ZNF138: variants seen among roughly 807,000 people sequenced by gnomAD.
ZNF138 encodes the protein zinc finger protein 138 (clone pHZ-32).
A neutral mutation model predicts 33.0 loss-of-function variants in ZNF138; 33 were observed. The observed-to-expected ratio is 1.00, with a 90% CI of 0.76 to 1.34. The LOEUF (loss-of-function observed/expected upper bound fraction) is 1.34. Ranked by LOEUF, ZNF138 falls within the 40% of genes most tolerant of loss-of-function variation. ZNF138 has a pLI of 0.00. For synonymous variants in ZNF138, 139 were observed against 120.4 expected (o/e 1.15, Z -1.01); for missense variants, 360 against 370.8 (o/e 0.97, Z 0.24).
At chr7:64,817,596 A>G (rs1788764803) in intron 3 of ZNF138, among the ~76,000 whole-genome samples, 1 of 152,160 alleles carries the variant, frequency 6.6e-6, no homozygotes, top group African/African-American at 2.4e-5. Flanking sequence ...TCCAATGTGA[A>G]TGTACCATGT....
At chr7:64,802,435 T>C (rs962340014) in intron 1 of ZNF138, among the ~76,000 whole-genome samples, 1 of 152,220 alleles carries the variant, frequency 6.6e-6, no homozygotes, top group African/African-American at 2.4e-5. Flanking sequence ...AAGGGGATTG[T>C]CTATAGAATG....
chr7:64,797,971 T>C (rs1162394441), intron 1 of ZNF138, among the ~76,000 whole-genome samples: 2 of 152,148 alleles, frequency 1.3e-5, no homozygotes, highest in African/African-American at 4.8e-5. Flanking sequence ...GACAGAGTCT[T>C]ACTTTGTTGC....
At chr7:64,801,256 G>T (rs62456799) in intron 1 of ZNF138, among the ~76,000 whole-genome samples, 7,164 of 152,072 alleles carry the variant, frequency 0.047, 214 homozygotes, top group East Asian at 0.14. Context: ...ATAATGTTAG[G>T]TTGTTAAATT....
the ZNF138 span, among the ~76,000 whole-genome samples, chr7:64,845,323 T>C: frequency 0.34 from 51,473 of 152,190 alleles, 9,393 homozygotes; most frequent in Non-Finnish European, 0.41. Flanking sequence ...TATTTGCTCG[T>C]TGATTGATGG....
rs200971341 is a variant in ZNF138 at position 64,832,119 on chromosome 7, A to G, written c.877A>G (p.Thr293Ala). 43 of 1,613,144 alleles carry G rather than the reference A, an allele frequency of 2.7e-5. No individual in the cohort carries two copies. The highest frequency in any genetic ancestry group is 4.4e-5 in the South Asian group (4 of 91,048). The change falls in exon 4 of 4, where the codon ACC becomes GCC. Residue 293 changes from threonine to alanine, a missense_variant. By Grantham distance (58) the Thr-to-Ala change is moderately conservative (BLOSUM62 0). Transcript: ENST00000307355. ...TGGCAAGGTCTTTAAGCAGTCCCCA[A>G]CCCTTACTAAACATCAGATAATTTA... ...QCGKVFKQSPTLTKHQIIYTG... is the reference protein window; with the variant it reads ...QCGKVFKQSPALTKHQIIYTG...
intron 1 of ZNF138, among the ~76,000 whole-genome samples, chr7:64,808,523 C>T (rs979974948): frequency 5.3e-5 from 8 of 152,072 alleles, no homozygotes; most frequent in African/African-American, 1.9e-4. Flanking sequence ...ATTTTTGTAA[C>T]TTACGAGGTC....
chr7:64,822,921 C>A (rs1455754457), intron 3 of ZNF138, among the ~76,000 whole-genome samples: 4 of 151,776 alleles, frequency 2.6e-5, no homozygotes, highest in Admixed American at 2.0e-4. Flanking sequence ...ACTCTTGTTG[C>A]CCAGGCTAGA....
At chr7:64,845,545 G>A in the ZNF138 span, among the ~76,000 whole-genome samples, 1 of 152,208 alleles carries the variant, frequency 6.6e-6, no homozygotes, top group South Asian at 2.1e-4. Context: ...CCCACCAGCA[G>A]TGTAGAAGTG....
In ZNF138 at chr7:64,800,093, A is replaced by G. The variant is rs370981966; in HGVS notation, c.3+5522A>G. ...CGTTTCTGTGGAGACAGAAAAGAGA[A>G]GAACTTTTCTGTGGGTTCTCTAGAT... On this transcript the variant is annotated intron_variant, in intron 1 of 3. Coordinates refer to ENST00000307355, the MANE Select transcript of ZNF138 (RefSeq NM_001271639.2). Among the ~76,000 whole-genome samples, 31 of 152,236 alleles carry G rather than the reference A, an allele frequency of 2.0e-4. 1 individual carries two copies. The highest frequency in any genetic ancestry group is 1.4e-3 in the Admixed American group (21 of 15,276).
intron 1 of ZNF138, among the ~76,000 whole-genome samples, chr7:64,809,785 G>A (rs1451024460): frequency 5.0e-5 from 7 of 138,706 alleles, no homozygotes; most frequent in African/African-American, 8.1e-5. Context: ...AGACGGGGTC[G>A]CGGCCGGGCA....
Position 64,832,554 on chromosome 7 carries a change from A to G in ZNF138, c.*352A>G. The G allele has an allele frequency of 3.3e-6, 2 of 603,730 alleles. No individual in the cohort carries two copies. Among genetic ancestry groups the G allele is most frequent in the Non-Finnish European group, 2.8e-6 (1 of 360,340 alleles). 37.4% of individuals were successfully genotyped at this position (603,730 alleles called of 1,614,324 possible). On this transcript the variant is annotated 3_prime_UTR_variant, in exon 4 of 4. Coordinates refer to ENST00000307355, the MANE Select transcript of ZNF138 (RefSeq NM_001271639.2). ...CTGGTCCTCAACTCTTATTACACAT[A>G]AGATAATTCACAGTGGAGAAAAACC...
the ZNF138 span, chr7:64,852,651 A>T: frequency 7.1e-7 from 1 of 1,410,126 alleles, no homozygotes; most frequent in Admixed American, 1.7e-5. Context: ...ACCTCCTCGT[A>T]GGCCAGCTCT....
the ZNF138 span, among the ~76,000 whole-genome samples, chr7:64,851,887 T>A: frequency 6.6e-6 from 1 of 152,218 alleles, no homozygotes; most frequent in Non-Finnish European, 1.5e-5. Flanking sequence ...GAGAGAAGAC[T>A]AGGCTTTTCA....
intron 3 of ZNF138, among the ~76,000 whole-genome samples, chr7:64,825,822 C>T (rs374596819): frequency 3.3e-4 from 50 of 151,912 alleles, no homozygotes; most frequent in Admixed American, 1.9e-3. Flanking sequence ...CAGGCATGAG[C>T]CCCCGCGCCT....
intron 3 of ZNF138, among the ~76,000 whole-genome samples, chr7:64,816,286 T>C (rs1788629889): frequency 1.3e-5 from 2 of 152,108 alleles, no homozygotes; most frequent in Non-Finnish European, 2.9e-5. Flanking sequence ...TGTAGATCAC[T>C]TTGGATAACA....
the ZNF138 span, among the ~76,000 whole-genome samples, chr7:64,838,947 G>A: frequency 1.4e-4 from 21 of 152,078 alleles, no homozygotes; most frequent in African/African-American, 4.1e-4. Context: ...AGGAGATGGC[G>A]GCGGAGAGAC....
At position 64,815,681 on chromosome 7, in the gene ZNF138, A is replaced by G. The variant is rs1294406341; in HGVS notation, c.208+28A>G. 5 of 1,598,374 alleles carry G rather than the reference A, an allele frequency of 3.1e-6. No individual in the cohort carries two copies. In the African/African-American group the frequency reaches 5.4e-5, roughly 17 times the overall value. ...AGGTGAGAGTGAATACACAGATGGC[A>G]CAGATGAGAGGTCAAAGGCCAAGGA... On this transcript the variant is annotated intron_variant, in intron 3 of 3. Transcript: ENST00000307355.
the ZNF138 span, among the ~76,000 whole-genome samples, chr7:64,841,138 G>A: frequency 3.3e-5 from 5 of 151,800 alleles, no homozygotes; most frequent in African/African-American, 9.7e-5. Flanking sequence ...TTCTTTTATA[G>A]TTTATGAGGT....
At chr7:64,839,565 G>A in the ZNF138 span, among the ~76,000 whole-genome samples, 149,933 of 152,150 alleles carry the variant, frequency 0.99, 73,915 homozygotes, top group East Asian at 1. Context: ...CTGGGTGTGC[G>A]CATGACTCTC....
Sources: allele counts gnomAD v4.1 joint callset (sites outside exome capture counted in the v4.1 genomes callset), GRCh38; gene constraint gnomAD v4.1.1; transcripts MANE v1.5; gene names NCBI Gene and HGNC (gene_info 2026-07-23, HGNC 2026-07-21).